Variants in CEACAM3 observed in about 807,000 individuals in gnomAD.
The protein encoded by CEACAM3 is CEA cell adhesion molecule 3.
In CEACAM3, 32 loss-of-function variants were observed where a neutral mutation model predicts 30.1. The observed-to-expected ratio is 1.06, with a 90% confidence interval of 0.80 to 1.43. CEACAM3 has a LOEUF of 1.43. CEACAM3 is among the 40% of genes most tolerant of loss of function. The pLI is 0.00. For missense variants in CEACAM3, 290 were observed against 316.3 expected (o/e 0.92, Z 0.63); for synonymous variants, 134 against 127.2 (o/e 1.05, Z -0.36).
chr19:41,802,312 G>A (rs1454496552), intron 2 of CEACAM3, among the ~76,000 whole-genome samples: 1 of 152,182 alleles, frequency 6.6e-6, no homozygotes, highest in Non-Finnish European at 1.5e-5. Flanking sequence ...CTTGAAATCT[G>A]TCACTCAGTT....
chr19:41,811,187 G>A lies in CEACAM3; in HGVS notation c.709G>A (p.Asp237Asn). Residue 237 changes from aspartate (D) to asparagine (N), a missense_variant, in exon 7 of 7, where the codon GAC (aspartate) becomes AAC (asparagine). Asp to Asn is a conservative substitution (Grantham distance 23, BLOSUM62 1). Transcript: ENST00000357396. Reference sequence around the variant, plus strand: ...GTTTTAACAGGAATTGCTAAAACATGACACAAACATTTACTGCCGGATGGA... The same window carrying A: ...GTTTTAACAGGAATTGCTAAAACATAACACAAACATTTACTGCCGGATGGA... ...ASIYEELLKH[D>N]TNIYCRMDHK... The A allele has an allele frequency of 2.5e-6, 4 of 1,614,078 alleles. No individual in the cohort carries two copies. The highest frequency in any genetic ancestry group is 3.4e-6 in the Non-Finnish European group (4 of 1,179,992).
intron 2 of CEACAM3, among the ~76,000 whole-genome samples, chr19:41,808,226 C>T (rs2059520757): frequency 6.6e-6 from 1 of 152,200 alleles, no homozygotes; most frequent in South Asian, 2.1e-4. Flanking sequence ...GACCTTGGGG[C>T]CAGCCTGGAA....
intron 3 of CEACAM3, 175 bp from the exon 4 acceptor site, chr19:41,809,790 C>A (rs734108): frequency 0.12 from 77,930 of 673,802 alleles, 5,521 homozygotes; most frequent in Admixed American, 0.16. Context: ...GATGTGGGTT[C>A]CTAAAGCCTT....
rs782621587 is a variant in CEACAM3, at chr19:41,808,852, G to A, written c.464G>A (p.Gly155Asp). The A allele has an allele frequency of 9.3e-6, 15 of 1,611,344 alleles. No homozygotes were observed. Among genetic ancestry groups the A allele is most frequent in the Admixed American group, 3.4e-5 (2 of 59,670 alleles). ...GGCCTTCCTGTGGGGGCCGTCGCCG[G>A]CATCGTGACCGGGGTCCTGGTCGGA... ...APGLPVGAVA[G>D]IVTGVLVGVA... is the part of the protein sequence containing the mutation. Residue 155 changes from glycine to aspartate, a missense_variant, in exon 3 of 7, where the codon GGC becomes GAC. Gly to Asp is a moderately conservative substitution (Grantham distance 94). Coordinates refer to ENST00000357396, the MANE Select transcript of CEACAM3 (RefSeq NM_001815.5).
rs145649499 is a variant in CEACAM3, at chr19:41,809,915, G to T, written c.543-50G>T. The T allele has an allele frequency of 3.8e-5, 61 of 1,600,088 alleles. No homozygotes were observed. The East Asian group carries it at 7.8e-4, about 20-fold the overall frequency. ...TCTTGTCCCCTGTTCGAACTCCAAA[G>T]TTGTGGCTTTTAACCTGGCACCCTC... On this transcript the variant is annotated intron_variant, in intron 3 of 6. Transcript: ENST00000357396.
intron 4 of CEACAM3, 73 bp from the exon 5 acceptor site, chr19:41,810,249 AC>A: frequency 6.5e-7 from 1 of 1,537,748 alleles, no homozygotes; most frequent in African/African-American, 1.4e-5. Flanking sequence ...AGAGCTGAGG[AC>A]CCCCTACGCC....
In CEACAM3 at chr19:41,802,964, C is replaced by T. The variant is rs147068717; in HGVS notation, c.424+5016C>T. 1.6e-3 allele frequency among the ~76,000 whole-genome samples: 251 copies of T among 152,276 alleles called. 1 individual carries two copies. Among genetic ancestry groups the T allele is most frequent in the African/African-American group, 6.0e-3 (248 of 41,556 alleles). ...GGACCACAGAACCCTTCCCTCCCAA[C>T]ACTCACCACAGCGTCACTGAACACC... On this transcript the variant is annotated intron_variant, in intron 2 of 6. Transcript: ENST00000357396.
chr19:41,810,703 G>A (rs913249804), intron 5 of CEACAM3, 129 bp from the exon 6 acceptor site: 1 of 884,370 alleles, frequency 1.1e-6, no homozygotes, highest in Non-Finnish European at 1.8e-6. Context: ...GGGAGGCTGA[G>A]CTCAGGGGCA....
chr19:41,804,849 T>C (rs1039371659), intron 2 of CEACAM3, among the ~76,000 whole-genome samples: 3 of 151,724 alleles, frequency 2.0e-5, no homozygotes, highest in East Asian at 3.9e-4. Flanking sequence ...TTTTTTTTTT[T>C]CACTATAGTG....
chr19:41,807,659 C>G, intron 2 of CEACAM3: 3 of 1,169,554 alleles, frequency 2.6e-6, no homozygotes, highest in Non-Finnish European at 1.1e-6. Flanking sequence ...GATTGGGTTT[C>G]GTTAGGACTT....
intron 2 of CEACAM3, among the ~76,000 whole-genome samples, chr19:41,804,618 G>A (rs1170371337): frequency 6.6e-6 from 1 of 152,050 alleles, no homozygotes; most frequent in African/African-American, 2.4e-5. Flanking sequence ...TTCCTAACAG[G>A]ACTCACAATT....
intron 3 of CEACAM3, chr19:41,809,241 G>A (rs550672167): frequency 2.3e-5 from 4 of 177,204 alleles, no homozygotes; most frequent in Non-Finnish European, 4.8e-5. Flanking sequence ...GGGAGGGAGG[G>A]AGGGAGGGCG....
intron 1 of CEACAM3, among the ~76,000 whole-genome samples, 177 bp downstream of exon 1, chr19:41,796,918 T>C (rs953740089): frequency 1.4e-4 from 22 of 152,150 alleles, no homozygotes; most frequent in African/African-American, 4.6e-4. Flanking sequence ...CTGGGATTGA[T>C]AAGAGGGAGG....
Position 41,811,190 on chromosome 19 carries a change from A to C in CEACAM3, c.712A>C (p.Thr238Pro). Residue 238 changes from threonine to proline, a missense_variant, in exon 7 of 7, where the codon ACA (threonine) becomes CCA (proline). Coordinates refer to ENST00000357396, the MANE Select transcript of CEACAM3 (RefSeq NM_001815.5). ...TTAACAGGAATTGCTAAAACATGAC[A>C]CAAACATTTACTGCCGGATGGACCA... is the stretch of plus-strand genomic sequence containing the variant. ...SIYEELLKHD[T>P]NIYCRMDHKA... 1 of 1,614,070 alleles carries C rather than the reference A, an allele frequency of 6.2e-7. No homozygotes were observed. Among genetic ancestry groups the C allele is most frequent in the Non-Finnish European group, 8.5e-7 (1 of 1,179,978 alleles).
At chr19:41,804,248 T>C (rs1234876297) in intron 2 of CEACAM3, among the ~76,000 whole-genome samples, 1 of 147,542 alleles carries the variant, frequency 6.8e-6, no homozygotes, top group Non-Finnish European at 1.5e-5. Context: ...AGCCCTGTGC[T>C]GTCTGATGGG....
At chr19:41,807,442 G>A in intron 2 of CEACAM3, 3 of 1,247,558 alleles carry the variant, frequency 2.4e-6, no homozygotes, top group Non-Finnish European at 3.1e-6. Context: ...CACACAGCCA[G>A]AGGCCAGGCC....
chr19:41,805,407 C>A (rs1216202705), intron 2 of CEACAM3, among the ~76,000 whole-genome samples: 2 of 151,146 alleles, frequency 1.3e-5, no homozygotes, highest in African/African-American at 4.9e-5. Context: ...TTCTCCCTAG[C>A]CTTCTTAAGT....
rs1555825215 is a variant in CEACAM3 at position 41,796,609 on chromosome 19, C to T, written c.-69C>T. ...GACAGCAGAGCCTAAGTCACAGTAGCCCTGACTACAGCATTCCTGGAGCCC... is the reference window on the plus strand; with the variant it reads ...GACAGCAGAGCCTAAGTCACAGTAGTCCTGACTACAGCATTCCTGGAGCCC... On this transcript the variant is annotated 5_prime_UTR_variant, in exon 1 of 7. Coordinates refer to ENST00000357396, the MANE Select transcript of CEACAM3 (RefSeq NM_001815.5). 8 of 1,569,002 alleles carry T rather than the reference C, an allele frequency of 5.1e-6. No homozygotes were observed. The highest frequency in any genetic ancestry group is 1.4e-5 in the African/African-American group (1 of 74,000).
intron 2 of CEACAM3, among the ~76,000 whole-genome samples, chr19:41,800,368 G>A (rs138326109): frequency 0.021 from 3,162 of 152,256 alleles, 77 homozygotes; most frequent in Admixed American, 0.075. Flanking sequence ...TAGCGGTAGC[G>A]TAAGTGTCAA....
Sources: allele counts gnomAD v4.1 joint callset (sites outside exome capture counted in the v4.1 genomes callset), GRCh38; gene constraint gnomAD v4.1.1; transcripts MANE v1.5; gene names NCBI Gene and HGNC (gene_info 2026-07-23, HGNC 2026-07-21).